NARS2: variants seen among roughly 807,000 people sequenced by gnomAD.
NARS2 encodes asparaginyl-tRNA synthetase 2, mitochondrial, also known as asparaginyl-tRNA synthetase.
In NARS2, 60 loss-of-function variants were observed where a neutral mutation model predicts 62.9. The ratio of observed to expected loss-of-function variants is 0.95; its 90% CI spans 0.77 to 1.18. The LOEUF is 1.18. NARS2 is among the 50% of genes most tolerant of loss of function. NARS2 has a pLI of 0.00. For missense variants in NARS2, 619 were observed against 576.4 expected (o/e 1.07, Z -0.76); for synonymous variants, 196 against 200.0 (o/e 0.98, Z 0.17).
At chr11:78,443,420 T>A (rs372825265) in intron 12 of NARS2, among the ~76,000 whole-genome samples, 3 of 152,068 alleles carry the variant, frequency 2.0e-5, no homozygotes, top group East Asian at 3.9e-4. Context: ...CTACTTTCCA[T>A]AGGGAAAGGT....
At chr11:78,464,683 A>T (rs1010751642) in intron 11 of NARS2, among the ~76,000 whole-genome samples, 1 of 152,002 alleles carries the variant, frequency 6.6e-6, no homozygotes, top group Non-Finnish European at 1.5e-5. Context: ...GTGTATTTAC[A>T]ATCCCTTAGC....
Position 78,571,426 on chromosome 11 carries a change from G to C in NARS2, c.160C>G (p.Arg54Gly), listed in dbSNP as rs751315158. The change falls in exon 2 of 14, where the codon CGA becomes GGA. Residue 54 changes from arginine to glycine, a missense_variant. Physicochemically the swap from Arg to Gly is moderately radical, Grantham distance 125. Transcript: ENST00000281038. ...AGGAACAAGACTTCCTTCTGGGATC[G>C]GACAGAACGAATCCATCCCTAAGGA... ...IKIQGWIRSV[R>G]SQKEVLFLHV... The C allele has an allele frequency of 7.4e-6, 12 of 1,611,896 alleles. No individual in the cohort carries two copies. The South Asian group carries it at 1.3e-4, about 18-fold the overall frequency.
At chr11:78,510,920 G>A (rs980421092) in intron 6 of NARS2, among the ~76,000 whole-genome samples, 2 of 152,112 alleles carry the variant, frequency 1.3e-5, no homozygotes, top group Non-Finnish European at 2.9e-5. Flanking sequence ...AATACCATAC[G>A]ATTTCATTTA....
intron 9 of NARS2, among the ~76,000 whole-genome samples, chr11:78,471,001 T>C (rs1858849140): frequency 6.6e-6 from 1 of 151,108 alleles, no homozygotes; most frequent in African/African-American, 2.4e-5. Context: ...TTCATATCCA[T>C]AACAACTAAC....
At chr11:78,468,001 A>G (rs4945279) in intron 10 of NARS2, among the ~76,000 whole-genome samples, 1 of 145,820 alleles carries the variant, frequency 6.9e-6, no homozygotes, top group Non-Finnish European at 1.5e-5. Flanking sequence ...GAACTACCAC[A>G]CCCGGCCTAT....
intron 9 of NARS2, among the ~76,000 whole-genome samples, chr11:78,478,032 T>G (rs1418145439): frequency 6.6e-6 from 1 of 152,212 alleles, no homozygotes; most frequent in African/African-American, 2.4e-5. Context: ...ACTGTGGTAA[T>G]CTCTTAGTTT....
chr11:78,477,388 G>C (rs774326742), intron 9 of NARS2, among the ~76,000 whole-genome samples: 2 of 152,050 alleles, frequency 1.3e-5, no homozygotes, highest in Non-Finnish European at 2.9e-5. Flanking sequence ...ACTCTCTTAA[G>C]CATTTCCCAA....
rs528855242 is a variant in NARS2, at chr11:78,518,540, C to T, written c.689+10302G>A. 7.9e-5 allele frequency among the ~76,000 whole-genome samples: 12 copies of T among 151,378 alleles called. No homozygotes were observed. The East Asian group carries it at 9.7e-4, about 12-fold the overall frequency. Reference sequence around the variant, plus strand: ...AACAATTTCTTTTTTTTTTTTGACACGGAGTCTCGCACTTTCACCCAGGCC... The same window carrying T: ...AACAATTTCTTTTTTTTTTTTGACATGGAGTCTCGCACTTTCACCCAGGCC... On this transcript the variant is annotated intron_variant, in intron 6 of 13. Transcript: ENST00000281038.
At chr11:78,528,357 CAG>C (rs1314942317) in intron 6 of NARS2, among the ~76,000 whole-genome samples, 6 of 152,094 alleles carry the variant, frequency 3.9e-5, no homozygotes, top group Non-Finnish European at 8.8e-5. Flanking sequence ...AGTGACTTTC[CAG>C]AGGTCTGACA....
chr11:78,450,001 C>G (rs1350988280), intron 11 of NARS2, among the ~76,000 whole-genome samples: 1 of 152,150 alleles, frequency 6.6e-6, no homozygotes, highest in Non-Finnish European at 1.5e-5. Context: ...TCATGTATGA[C>G]TATGTACTAA....
intron 7 of NARS2, among the ~76,000 whole-genome samples, chr11:78,485,103 G>A (rs1305902095): frequency 6.6e-6 from 1 of 152,218 alleles, no homozygotes; most frequent in Non-Finnish European, 1.5e-5. Context: ...GATGAAGCTG[G>A]AAGCCATCAT....
chr11:78,546,355 T>C (rs1235725527), intron 5 of NARS2, among the ~76,000 whole-genome samples: 1 of 152,208 alleles, frequency 6.6e-6, no homozygotes, highest in Non-Finnish European at 1.5e-5. Flanking sequence ...GATATTTCAT[T>C]TCCACCATGT....
At chr11:78,489,666 T>C (rs1170414501) in intron 7 of NARS2, among the ~76,000 whole-genome samples, 1 of 152,132 alleles carries the variant, frequency 6.6e-6, no homozygotes, top group Non-Finnish European at 1.5e-5. Flanking sequence ...ATAACTCCAC[T>C]TAGGCGTAAA....
chr11:78,543,244 G>T (rs1373222139), intron 5 of NARS2, among the ~76,000 whole-genome samples: 1 of 152,218 alleles, frequency 6.6e-6, no homozygotes, highest in African/African-American at 2.4e-5. Flanking sequence ...GCTATCCAAA[G>T]ATTATCCAAA....
chr11:78,559,808 T>C (rs144206625), intron 4 of NARS2, among the ~76,000 whole-genome samples, 189 bp from the exon 5 acceptor site: 2 of 152,336 alleles, frequency 1.3e-5, no homozygotes, highest in East Asian at 3.9e-4. Context: ...CAAATAATTT[T>C]AATTCAGGAA....
intron 6 of NARS2, among the ~76,000 whole-genome samples, chr11:78,520,755 G>A (rs1462389099): frequency 1.3e-5 from 2 of 152,198 alleles, no homozygotes; most frequent in East Asian, 3.9e-4. Context: ...TTAAGTAAGA[G>A]TAAAATAGTA....
intron 4 of NARS2, among the ~76,000 whole-genome samples, chr11:78,563,231 T>TG (rs1204912772): frequency 3.4e-5 from 5 of 149,252 alleles, no homozygotes; most frequent in Non-Finnish European, 7.4e-5. Context: ...TTTTTTTTTT[T>TG]TTTTTGAGAC....
intron 4 of NARS2, among the ~76,000 whole-genome samples, chr11:78,562,218 G>C (rs1856580870): frequency 6.6e-6 from 1 of 151,980 alleles, no homozygotes; most frequent in Non-Finnish European, 1.5e-5. Flanking sequence ...GGGCCTAGGA[G>C]TTCAAGACCA....
intron 5 of NARS2, among the ~76,000 whole-genome samples, chr11:78,530,601 T>C (rs1252047097): frequency 6.6e-6 from 1 of 152,200 alleles, no homozygotes; most frequent in Non-Finnish European, 1.5e-5. Context: ...AGCCTGCCAG[T>C]AGCTGGGATT....
Sources: allele counts gnomAD v4.1 joint callset (sites outside exome capture counted in the v4.1 genomes callset), GRCh38; gene constraint gnomAD v4.1.1; transcripts MANE v1.5; gene names NCBI Gene and HGNC (gene_info 2026-07-23, HGNC 2026-07-21).